The following SLC44A3 variants were observed in gnomAD, a reference collection of about 807,000 sequenced individuals.
SLC44A3 encodes the protein choline transporter-like protein 3.
A neutral mutation model predicts 75.4 loss-of-function variants in SLC44A3; 74 were observed. The observed-to-expected ratio is 0.98, with a 90% CI of 0.81 to 1.19. The LOEUF (loss-of-function observed/expected upper bound fraction) is 1.19. Among genes scored for constraint, SLC44A3 ranks in the 50% most tolerant of loss-of-function variants. The pLI is 0.00. For synonymous variants in SLC44A3, 310 were observed against 296.9 expected (o/e 1.04, Z -0.45); for missense variants, 700 against 778.6 (o/e 0.90, Z 1.20).
chr1:94,892,563 C>G (rs2101689610), intron 14 of SLC44A3, 46 bp downstream of exon 14: 1 of 1,572,900 alleles, frequency 6.4e-7, no homozygotes, highest in African/African-American at 1.4e-5. Flanking sequence ...TGCTCGCAAT[C>G]TTGAAAGTTT....
chr1:94,843,236 G>A (rs947274204), intron 8 of SLC44A3: 1 of 152,644 alleles, frequency 6.6e-6, no homozygotes, highest in African/African-American at 2.4e-5. Context: ...TAGGGAGAGG[G>A]GAGGCCATGT....
At chr1:94,875,351 A>G (rs1668162567) in intron 12 of SLC44A3, among the ~76,000 whole-genome samples, 1 of 152,238 alleles carries the variant, frequency 6.6e-6, no homozygotes, top group Non-Finnish European at 1.5e-5. Context: ...TCCACAGGGT[A>G]GGGACTCAGA....
chr1:94,864,011 A>C (rs1666878802), intron 10 of SLC44A3, among the ~76,000 whole-genome samples: 1 of 152,172 alleles, frequency 6.6e-6, no homozygotes, highest in Admixed American at 6.6e-5. Flanking sequence ...TCAAAGGGTC[A>C]CCCGTGGGGT....
intron 12 of SLC44A3, among the ~76,000 whole-genome samples, chr1:94,873,433 T>G (rs1314791204): frequency 6.6e-6 from 1 of 152,172 alleles, no homozygotes; most frequent in Non-Finnish European, 1.5e-5. Context: ...TCCCAGATAA[T>G]CTTGTGAAGG....
intron 12 of SLC44A3, among the ~76,000 whole-genome samples, chr1:94,876,175 A>G (rs1052018523): frequency 1.3e-5 from 2 of 152,242 alleles, no homozygotes; most frequent in African/African-American, 2.4e-5. Context: ...GAGGTGCCTC[A>G]GAGTGGAAAA....
chr1:94,848,799 G>A (rs1031379173), intron 9 of SLC44A3, among the ~76,000 whole-genome samples: 1 of 152,146 alleles, frequency 6.6e-6, no homozygotes, highest in African/African-American at 2.4e-5. Flanking sequence ...GATGATCAGA[G>A]AAATCTGGGG....
chr1:94,860,985 T>G (rs1666500210), intron 10 of SLC44A3, among the ~76,000 whole-genome samples: 2 of 152,178 alleles, frequency 1.3e-5, no homozygotes, highest in African/African-American at 2.4e-5. Context: ...GAATACCAGG[T>G]GTGTTCGAAC....
intron 8 of SLC44A3, 49 bp from the exon 9 acceptor site, chr1:94,845,229 C>A: frequency 5.2e-6 from 8 of 1,535,666 alleles, no homozygotes; most frequent in Non-Finnish European, 7.0e-6. Context: ...AAGCTCTACC[C>A]AGTTCTCCAT....
chr1:94,847,409 C>T (rs906977884), intron 9 of SLC44A3, among the ~76,000 whole-genome samples: 3 of 152,166 alleles, frequency 2.0e-5, no homozygotes, highest in Admixed American at 2.0e-4. Context: ...TCACAGGTGG[C>T]GCTTCCACCC....
intron 12 of SLC44A3, among the ~76,000 whole-genome samples, chr1:94,877,691 A>G (rs1668446356): frequency 6.6e-6 from 1 of 152,126 alleles, no homozygotes; most frequent in South Asian, 2.1e-4. Flanking sequence ...AAAGTTCCCA[A>G]AAGTTTTGGC....
At chr1:94,846,715 G>A (rs1391981462) in intron 9 of SLC44A3, among the ~76,000 whole-genome samples, 2 of 152,210 alleles carry the variant, frequency 1.3e-5, no homozygotes, top group Admixed American at 1.3e-4. Context: ...AGTACACATG[G>A]ATGCAAGTAC....
Position 94,828,662 on chromosome 1 carries a change from A to G in SLC44A3, c.509+76A>G. 3.0e-6 allele frequency: 4 copies of G among 1,320,594 alleles called. No homozygotes were observed. In the South Asian group the frequency reaches 5.0e-5, roughly 17 times the overall value. The allele number at this position is 1,320,594 out of a possible 1,614,324, so 81.8% of individuals were successfully genotyped here. On this transcript the variant is annotated intron_variant, in intron 5 of 14. Transcript: ENST00000271227. Reference sequence around the variant, plus strand: ...CTTGGTGTGCATCTGTTACTCTTCTAGGCATTGTGGGAAGGAGATATCAGA... The same window carrying G: ...CTTGGTGTGCATCTGTTACTCTTCTGGGCATTGTGGGAAGGAGATATCAGA...
At chr1:94,863,409 G>A (rs1196713249) in intron 10 of SLC44A3, among the ~76,000 whole-genome samples, 1 of 152,166 alleles carries the variant, frequency 6.6e-6, no homozygotes, top group Non-Finnish European at 1.5e-5. Flanking sequence ...AGAGGCCTAT[G>A]AATCATGTGT....
intron 9 of SLC44A3, among the ~76,000 whole-genome samples, chr1:94,849,620 C>T (rs901974345): frequency 2.6e-5 from 4 of 152,186 alleles, no homozygotes; most frequent in East Asian, 1.9e-4. Flanking sequence ...GTGGCGAGCC[C>T]GCTGCACAGT....
chr1:94,852,621 A>G (rs1301561078), intron 9 of SLC44A3, among the ~76,000 whole-genome samples: 1 of 152,236 alleles, frequency 6.6e-6, no homozygotes, highest in Non-Finnish European at 1.5e-5. Flanking sequence ...GATTTTAAGC[A>G]GAATAAAATC....
At chr1:94,867,214 C>A (rs976796775) in intron 11 of SLC44A3, 117 bp from the exon 12 acceptor site, 1 of 745,898 alleles carries the variant, frequency 1.3e-6, no homozygotes, top group Non-Finnish European at 2.1e-6. Context: ...ACTTCTCCCA[C>A]GCCACCAGTG....
At chr1:94,850,439 C>G (rs1328807452) in intron 9 of SLC44A3, among the ~76,000 whole-genome samples, 1 of 152,130 alleles carries the variant, frequency 6.6e-6, no homozygotes, top group Non-Finnish European at 1.5e-5. Context: ...TAGAAGAGAA[C>G]CATATTGGAT....
chr1:94,830,660 A>G (rs537487368), intron 5 of SLC44A3, among the ~76,000 whole-genome samples: 1 of 152,340 alleles, frequency 6.6e-6, no homozygotes, highest in African/African-American at 2.4e-5. Flanking sequence ...TAATAGGTGG[A>G]AGGAAAATTC....
intron 9 of SLC44A3, among the ~76,000 whole-genome samples, chr1:94,856,017 G>C (rs71652586): frequency 0.19 from 29,001 of 152,122 alleles, 3,197 homozygotes; most frequent in Middle Eastern, 0.26. Flanking sequence ...TACCAGCAGA[G>C]TAAATTTGGA....
Sources: gnomAD v4.1 joint callset for allele counts (sites outside exome capture counted in the v4.1 genomes callset) on GRCh38, gnomAD v4.1.1 for gene constraint, MANE v1.5 for transcripts, NCBI Gene and HGNC (gene_info 2026-07-23, HGNC 2026-07-21) for gene names.